The following ERG variants were observed in gnomAD, a reference collection of about 807,000 sequenced individuals.
ERG encodes the protein transcriptional regulator ERG.
ERG carries 9 observed loss-of-function variants against 55.3 expected under a neutral mutation model. That is an observed-to-expected ratio of 0.16 (90% CI 0.10 to 0.28). ERG has a LOEUF of 0.28. ERG is among the 10% of genes least tolerant of loss of function. The pLI is 1.00. For synonymous variants in ERG, 223 were observed against 237.3 expected (o/e 0.94, Z 0.55); for missense variants, 434 against 631.6 (o/e 0.69, Z 3.35).
Position 38,445,389 on chromosome 21 carries a change from C to T in ERG, c.236+15G>A, listed in dbSNP as rs375095935. ...ATGGGAGGTCAGGGAGAGAAAGGGGCGGAAGTCTCCTTACCTTGAGCCATT... is the reference window on the plus strand; with the variant it reads ...ATGGGAGGTCAGGGAGAGAAAGGGGTGGAAGTCTCCTTACCTTGAGCCATT... On this transcript the variant is annotated intron_variant, in intron 2 of 9. Coordinates refer to ENST00000288319, the MANE Select transcript of ERG (RefSeq NM_182918.4). 39 of 1,600,180 alleles carry T rather than the reference C, an allele frequency of 2.4e-5. No homozygotes were observed. The highest frequency in any genetic ancestry group is 1.7e-4 in the Middle Eastern group (1 of 5,890).
At chr21:38,631,902 T>A (rs2060359197) in intron 1 of ERG, among the ~76,000 whole-genome samples, 1 of 151,932 alleles carries the variant, frequency 6.6e-6, no homozygotes, top group Admixed American at 6.6e-5. Flanking sequence ...GGAAACCCAG[T>A]TTAACTGGCT....
In ERG at chr21:38,623,232, C is replaced by T. The variant is rs548716934; in HGVS notation, c.-149-38287G>A. 3.3e-5 allele frequency among the ~76,000 whole-genome samples: 5 copies of T among 150,776 alleles called. No individual in the cohort carries two copies. The East Asian group carries it at 9.9e-4, about 30-fold the overall frequency. On this transcript the variant is annotated intron_variant, in intron 1 of 10. Coordinates refer to the ERG transcript ENST00000398910. ...ATAACACACATCACACACACACAGACACCATGCATACACACCACAGAGCAC... is the reference window on the plus strand; with the variant it reads ...ATAACACACATCACACACACACAGATACCATGCATACACACCACAGAGCAC...
chr21:38,586,482 C>T (rs1366345451), upstream of ERG, among the ~76,000 whole-genome samples: 4 of 152,086 alleles, frequency 2.6e-5, no homozygotes, highest in African/African-American at 9.7e-5. Flanking sequence ...CTACGCTCAA[C>T]ATCACTAATC....
At chr21:38,589,948 C>T (rs762179753) in intron 1 of ERG, among the ~76,000 whole-genome samples, 4 of 152,166 alleles carry the variant, frequency 2.6e-5, no homozygotes, top group Non-Finnish European at 5.9e-5. Flanking sequence ...AAAAAAGTCG[C>T]TTTCAGCTCT....
rs758003474 is a variant in ERG, at chr21:38,423,403, A to G, written c.388+7T>C. The G allele has an allele frequency of 4.3e-6, 7 of 1,610,524 alleles. No homozygotes were observed. The highest frequency in any genetic ancestry group is 5.9e-6 in the Non-Finnish European group (7 of 1,177,732). On this transcript the variant is annotated splice_region_variant and intron_variant, in intron 3 of 9. Transcript: ENST00000288319. ...TGCCGAGGGCAGTGAAGCTGTGGGC[A>G]CCTGACCTGCTGGCACGATAACTCT...
At chr21:38,477,185 T>C (rs2059196921) in intron 1 of ERG, among the ~76,000 whole-genome samples, 1 of 152,068 alleles carries the variant, frequency 6.6e-6, no homozygotes, top group Non-Finnish European at 1.5e-5. Flanking sequence ...CACTAATTTT[T>C]CTGTTTTTTG....
At chr21:38,415,212 T>C (rs1296385294) in intron 3 of ERG, among the ~76,000 whole-genome samples, 1 of 152,210 alleles carries the variant, frequency 6.6e-6, no homozygotes, top group Non-Finnish European at 1.5e-5. Flanking sequence ...GCAACTCTCT[T>C]AGCGTTCCTA....
chr21:38,387,079 A>G (rs531006617), intron 9 of ERG, among the ~76,000 whole-genome samples: 1 of 152,306 alleles, frequency 6.6e-6, no homozygotes, highest in African/African-American at 2.4e-5. Flanking sequence ...AAAGGGGGAA[A>G]AAAAAACTAA....
intron 1 of ERG, chr21:38,660,410 A>G (rs2060545691): frequency 6.6e-6 from 1 of 152,352 alleles, no homozygotes; most frequent in African/African-American, 2.4e-5. Context: ...GCGCCGTCGG[A>G]AGAGCCCTGC....
At chr21:38,616,627 G>T (rs1446989507) in intron 1 of ERG, among the ~76,000 whole-genome samples, 5 of 151,956 alleles carry the variant, frequency 3.3e-5, no homozygotes, top group African/African-American at 1.2e-4. Context: ...GACTGAACTG[G>T]ACTGGACTGG....
At chr21:38,603,212 T>A (rs1328701052) in intron 1 of ERG, among the ~76,000 whole-genome samples, 1 of 151,994 alleles carries the variant, frequency 6.6e-6, no homozygotes, top group Non-Finnish European at 1.5e-5. Flanking sequence ...AAACGCAGCT[T>A]ACATCCAGAG....
In ERG at chr21:38,392,431, C is replaced by A. The variant is rs60003788; in HGVS notation, c.759G>T (p.Glu253Asp). The change falls in exon 7 of 10, where the codon GAG (glutamate) becomes GAT (aspartate). Residue 253 changes from glutamate to aspartate, a missense_variant. By Grantham distance (45) the Glu-to-Asp change is conservative. This residue lies in a region of ERG where 99 missense variants were observed against 145.6 expected (regional missense o/e 0.68). Transcript: ENST00000288319. ...RITTRPDLPY[E>D]PPRRSAWTGH... Reference sequence around the variant, plus strand: ...CGGTCCAGGCTGATCTCCTGGGGGGCTCATATGGTAAATCTGTAAAGACAA... The same window carrying A: ...CGGTCCAGGCTGATCTCCTGGGGGGATCATATGGTAAATCTGTAAAGACAA... 6.5e-7 allele frequency: 1 copy of A among 1,544,662 alleles called. No individual in the cohort carries two copies. Among genetic ancestry groups the A allele is most frequent in the Admixed American group, 2.0e-5 (1 of 49,334 alleles).
intron 1 of ERG, among the ~76,000 whole-genome samples, chr21:38,613,278 T>G (rs1014303071): frequency 9.2e-5 from 14 of 152,212 alleles, no homozygotes; most frequent in African/African-American, 3.4e-4. Flanking sequence ...GACATAGTTT[T>G]CTGAACGAAA....
intron 1 of ERG, among the ~76,000 whole-genome samples, chr21:38,483,263 T>C (rs1306541783): frequency 6.6e-6 from 1 of 152,170 alleles, no homozygotes; most frequent in East Asian, 1.9e-4. Flanking sequence ...TTGGGATTTT[T>C]GCTTTAAGAG....
Position 38,383,949 on chromosome 21 carries a change from A to G in ERG, c.920-26T>C. On this transcript the variant is annotated intron_variant, in intron 9 of 9. Transcript: ENST00000288319. This position sits in a 1 kb window ranked among gnomAD's most constrained non-coding sequence, Gnocchi z 5.7. ...CTAATGAGGTCAGGAGAGGAAGGAA[A>G]ACTCCAGTGAGCACAGGTTCCAGGG... is the stretch of plus-strand genomic sequence containing the variant. 1 of 1,593,980 alleles carries G rather than the reference A, an allele frequency of 6.3e-7. No individual in the cohort carries two copies. Among genetic ancestry groups the G allele is most frequent in the East Asian group, 2.2e-5 (1 of 44,602 alleles).
chr21:38,642,870 C>A (rs773014377), intron 1 of ERG, among the ~76,000 whole-genome samples: 43 of 152,300 alleles, frequency 2.8e-4, no homozygotes, highest in Non-Finnish European at 5.3e-4. Flanking sequence ...GCTGTTACTC[C>A]CCAGCTTGAG....
intron 2 of ERG, among the ~76,000 whole-genome samples, chr21:38,524,886 T>C (rs2059619417): frequency 6.6e-6 from 1 of 152,174 alleles, no homozygotes; most frequent in Admixed American, 6.5e-5. Flanking sequence ...TCTGAAATGC[T>C]CTTGAAAGAG....
chr21:38,419,152 C>T (rs557850551), intron 3 of ERG, among the ~76,000 whole-genome samples: 171 of 152,180 alleles, frequency 1.1e-3, no homozygotes, highest in African/African-American at 3.6e-3. Context: ...TACAGATACT[C>T]GCACCAAATA....
chr21:38,490,010 G>A (rs921268207), intron 1 of ERG, among the ~76,000 whole-genome samples: 4 of 152,182 alleles, frequency 2.6e-5, no homozygotes, highest in Non-Finnish European at 5.9e-5. Flanking sequence ...AGTTAACAAC[G>A]CCCTGAATGT....
Sources: allele counts gnomAD v4.1 joint callset (sites outside exome capture counted in the v4.1 genomes callset), GRCh38; gene constraint gnomAD v4.1.1; regional missense constraint gnomAD v4.1.1; non-coding constraint Gnocchi (gnomAD v3.1); transcripts MANE v1.5; gene names NCBI Gene and HGNC (gene_info 2026-07-23, HGNC 2026-07-21).